TRPA1: variants seen among roughly 807,000 people sequenced by gnomAD.
The protein encoded by TRPA1 is transient receptor potential cation channel subfamily A member 1.
TRPA1 carries 129 observed loss-of-function variants against 131.3 expected under a neutral mutation model. The ratio of observed to expected loss-of-function variants is 0.98; its 90% CI spans 0.85 to 1.14. TRPA1 has a LOEUF of 1.14. Ranked by LOEUF, TRPA1 falls within the 50% of genes most tolerant of loss-of-function variation. The pLI, the probability that TRPA1 is intolerant of heterozygous loss-of-function variation, is 0.00. For missense variants in TRPA1, 1,304 were observed against 1,354.2 expected, an observed-to-expected ratio of 0.96 and a Z score of 0.58; for synonymous variants, 441 against 451.7, an observed-to-expected ratio of 0.98 and a Z score of 0.30.
At chr8:72,032,317 G>A (rs140223629) in intron 23 of TRPA1, among the ~76,000 whole-genome samples, 26 of 152,316 alleles carry the variant, frequency 1.7e-4, no homozygotes, top group African/African-American at 5.8e-4. Context: ...AGTGTGATAC[G>A]ATAGAGATGC....
intron 3 of TRPA1, 55 bp from the exon 4 acceptor site, chr8:72,065,613 C>T (rs545096399): frequency 2.3e-6 from 3 of 1,315,514 alleles, no homozygotes; most frequent in Non-Finnish European, 3.3e-6. Flanking sequence ...AAATAAGGTA[C>T]TTGCCTTCCA....
At chr8:72,041,036 C>A (rs1179825066) in intron 17 of TRPA1, among the ~76,000 whole-genome samples, 1 of 151,790 alleles carries the variant, frequency 6.6e-6, no homozygotes, top group Non-Finnish European at 1.5e-5. Flanking sequence ...ATATTCCATG[C>A]AAATGAGAAC....
At position 72,022,625 on chromosome 8, in the gene TRPA1, C is replaced by G. The variant is rs1019920694; in HGVS notation, c.*281G>C. 5 of 501,264 alleles carry G rather than the reference C, an allele frequency of 1.0e-5. No individual in the cohort carries two copies. Among genetic ancestry groups the G allele is most frequent in the Non-Finnish European group, 1.8e-5 (5 of 275,842 alleles). The allele number at this position is 501,264 out of a possible 1,614,324, so 31.1% of individuals were successfully genotyped here. A position where few individuals can be genotyped will look rare whatever the true frequency, so the allele number is the denominator to read the frequency against. On this transcript the variant is annotated 3_prime_UTR_variant, in exon 27 of 27. Coordinates refer to ENST00000262209, the MANE Select transcript of TRPA1 (RefSeq NM_007332.3). ...CTTCTTTTCATTAAAAATGTGTGTT[C>G]TAGCAAATTCATTTTCTACCCATTC... is the stretch of plus-strand genomic sequence containing the variant.
Position 72,065,503 on chromosome 8 carries a change from G to A in TRPA1, c.500C>T (p.Thr167Ile), listed in dbSNP as rs763688385. 2.5e-6 allele frequency: 4 copies of A among 1,613,602 alleles called. No individual in the cohort carries two copies. The highest frequency in any genetic ancestry group is 1.1e-5 in the South Asian group (1 of 91,078). Residue 167 changes from threonine (T) to isoleucine (I), a missense_variant, in exon 4 of 27, where the codon ACA (threonine) becomes ATA (isoleucine). Coordinates refer to ENST00000262209, the MANE Select transcript of TRPA1 (RefSeq NM_007332.3). ...DVNLEGENGN[T>I]AVIIACTTNN... The stretch of plus-strand genomic sequence containing the variant: ...TGTGGTGCACGCAATGATCACAGCT[G>A]TGTTTCCATTTTCTCCTTCCAAATT...
chr8:72,023,819 T>C lies in TRPA1; in HGVS notation c.3144A>G (p.Lys1048=), dbSNP rs1433262906. ...ATAGAAGGAAAAATACATACCGGTA[T>C]TTCTGCTTTAATATTTCCATTTCTA... The part of the protein sequence containing the change: ...KSLEMEILKQ[K]YRLKDLTFLL... Residue 1048 remains lysine (K), a synonymous_variant, in exon 26 of 27, where the codon AAA becomes AAG. Coordinates refer to ENST00000262209, the MANE Select transcript of TRPA1 (RefSeq NM_007332.3). The C allele has an allele frequency of 1.3e-6, 2 of 1,545,714 alleles. No homozygotes were observed. The highest frequency in any genetic ancestry group is 1.4e-5 in the African/African-American group (1 of 73,716).
the TRPA1 span, among the ~76,000 whole-genome samples, chr8:72,087,954 G>C: frequency 6.6e-6 from 1 of 152,182 alleles, no homozygotes; most frequent in Non-Finnish European, 1.5e-5. Flanking sequence ...CTGGGAACAG[G>C]AGCTCCTTGT....
chr8:72,061,750 G>A lies in TRPA1; in HGVS notation c.819C>T (p.Cys273=), dbSNP rs539857643. The A allele has an allele frequency of 1.6e-5, 26 of 1,613,880 alleles. No individual in the cohort carries two copies. In the East Asian group the frequency reaches 3.8e-4, roughly 24 times the overall value. The change falls in exon 7 of 27, where the codon TGC becomes TGT. Residue 273 remains cysteine, a synonymous_variant. Coordinates refer to ENST00000262209, the MANE Select transcript of TRPA1 (RefSeq NM_007332.3). Reference sequence around the variant, plus strand: ...GGGTGGCAGCAAAATGAATGGCTGTGCACCTTCCCTTCTGTAAAGGGTTTT... The same window carrying A: ...GGGTGGCAGCAAAATGAATGGCTGTACACCTTCCCTTCTGTAAAGGGTTTT... ...AQIDPVEKGR[C]TAIHFAATQG...
At chr8:72,067,099 G>A (rs745509071) in intron 3 of TRPA1, among the ~76,000 whole-genome samples, 25 of 152,170 alleles carry the variant, frequency 1.6e-4, no homozygotes, top group African/African-American at 5.1e-4. Flanking sequence ...GAAGTGATGC[G>A]TGGATGACAG....
At chr8:72,087,163 A>G in the TRPA1 span, among the ~76,000 whole-genome samples, 1 of 152,134 alleles carries the variant, frequency 6.6e-6, no homozygotes, top group Non-Finnish European at 1.5e-5. Flanking sequence ...GTAAAACTCC[A>G]TGGTGTATTA....
Position 72,063,370 on chromosome 8 carries a change from A to G in TRPA1, c.661+93T>C. On this transcript the variant is annotated intron_variant, in intron 5 of 26. Transcript: ENST00000262209. ...ACTCCAGCCTGGGTGACAGAGTGAG[A>G]CTCCATCTCAAAAGAAAAAAAAAAA... The G allele has an allele frequency of 3.5e-6, 3 of 845,592 alleles. No individual in the cohort carries two copies. In the Admixed American group the frequency reaches 6.6e-5, roughly 19 times the overall value. The allele number at this position is 845,592 out of a possible 1,614,324, so 52.4% of individuals were successfully genotyped here.
In TRPA1 at chr8:72,022,412, G is replaced by C; in HGVS notation, c.*494C>G. The C allele has an allele frequency of 3.8e-6, 1 of 266,614 alleles. No homozygotes were observed. Among genetic ancestry groups the C allele is most frequent in the Non-Finnish European group, 7.2e-6 (1 of 138,370 alleles). The allele number at this position is 266,614 out of a possible 1,614,324, so 16.5% of individuals were successfully genotyped here. Reference sequence around the variant, plus strand: ...AAAAGTCCACATGGTGCCACCCATAGGTTCTTTCAACATGAAGCTTTCCAG... The same window carrying C: ...AAAAGTCCACATGGTGCCACCCATACGTTCTTTCAACATGAAGCTTTCCAG... On this transcript the variant is annotated 3_prime_UTR_variant, in exon 27 of 27. Coordinates refer to ENST00000262209, the MANE Select transcript of TRPA1 (RefSeq NM_007332.3).
chr8:72,053,564 C>T, intron 13 of TRPA1, 189 bp downstream of exon 13: 1 of 620,264 alleles, frequency 1.6e-6, no homozygotes, highest in Non-Finnish European at 2.9e-6. Flanking sequence ...TTCACCCACC[C>T]CTTGGTATTC....
chr8:72,065,623 A>C, intron 3 of TRPA1, 65 bp from the exon 4 acceptor site: 1 of 1,181,822 alleles, frequency 8.5e-7, no homozygotes, highest in Admixed American at 1.8e-5. Flanking sequence ...CTTGCCTTCC[A>C]CTAGAGTTTA....
intron 17 of TRPA1, among the ~76,000 whole-genome samples, chr8:72,040,110 A>G (rs964606467): frequency 6.6e-5 from 10 of 152,286 alleles, no homozygotes; most frequent in African/African-American, 1.9e-4. Context: ...AGCAAGAGTT[A>G]TACCCTCATT....
In TRPA1 at chr8:72,055,432, T is replaced by A; in HGVS notation, c.1529+4A>T. 1.2e-6 allele frequency: 2 copies of A among 1,611,502 alleles called. No homozygotes were observed. Among genetic ancestry groups the A allele is most frequent in the Non-Finnish European group, 1.7e-6 (2 of 1,177,824 alleles). On this transcript the variant is annotated splice_donor_region_variant and intron_variant, in intron 12 of 26. Coordinates refer to ENST00000262209, the MANE Select transcript of TRPA1 (RefSeq NM_007332.3). ...ATATAAACACTCCAATCATATATCCTCACCTGAGAAACAATGCACCTTTTT... is the reference window on the plus strand; with the variant it reads ...ATATAAACACTCCAATCATATATCCACACCTGAGAAACAATGCACCTTTTT...
chr8:72,088,467 T>C, the TRPA1 span, among the ~76,000 whole-genome samples: 3 of 152,096 alleles, frequency 2.0e-5, no homozygotes, highest in East Asian at 1.9e-4. Context: ...TGCTTTCTTT[T>C]AGTTTCTGTG....
chr8:72,087,143 T>C, the TRPA1 span, among the ~76,000 whole-genome samples: 4 of 152,340 alleles, frequency 2.6e-5, no homozygotes, highest in East Asian at 7.7e-4. Flanking sequence ...CTGAATTTTC[T>C]ACCAGCTCTG....
At chr8:72,059,068 C>T (rs1047611578) in intron 8 of TRPA1, among the ~76,000 whole-genome samples, 4 of 152,200 alleles carry the variant, frequency 2.6e-5, no homozygotes, top group African/African-American at 9.7e-5. Context: ...GGGGCACCGC[C>T]CAAGCTCACA....
At chr8:72,051,446 T>A (rs1280064603) in intron 14 of TRPA1, among the ~76,000 whole-genome samples, 3 of 152,076 alleles carry the variant, frequency 2.0e-5, no homozygotes, top group Admixed American at 2.0e-4. Context: ...AGGAACTAAA[T>A]CTATGGCAGG....
Sources: gnomAD v4.1 joint callset for allele counts (sites outside exome capture counted in the v4.1 genomes callset) on GRCh38, gnomAD v4.1.1 for gene constraint, MANE v1.5 for transcripts, NCBI Gene and HGNC (gene_info 2026-07-23, HGNC 2026-07-21) for gene names.